PNPLA2: variants seen among roughly 807,000 people sequenced by gnomAD.
PNPLA2 encodes the protein patatin-like phospholipase domain-containing protein 2.
Under a neutral mutation model 39.7 loss-of-function variants are expected in PNPLA2, and 28 were observed. The ratio of observed to expected loss-of-function variants is 0.70; its 90% confidence interval spans 0.52 to 0.97. PNPLA2 has a LOEUF of 0.97. Among genes scored for constraint, PNPLA2 ranks in the 50% least tolerant of loss-of-function variants. PNPLA2 has a pLI of 0.00. For synonymous variants in PNPLA2, 392 were observed against 321.1 expected (o/e 1.22, Z -2.36); for missense variants, 768 against 698.2 (o/e 1.10, Z -1.13).
At position 824,808 on chromosome 11, in the gene PNPLA2, G is replaced by A. The variant is rs1845831929; in HGVS notation, c.1461G>A (p.Leu487=). 4.6e-6 allele frequency: 7 copies of A among 1,534,408 alleles called. No homozygotes were observed. Among genetic ancestry groups the A allele is most frequent in the South Asian group, 2.4e-5 (2 of 84,010 alleles). The change falls in exon 10 of 10, where the codon TTG becomes TTA. Residue 487 remains leucine (L), a synonymous_variant. Coordinates refer to ENST00000336615, the MANE Select transcript of PNPLA2 (RefSeq NM_020376.4). Reference sequence around the variant, plus strand: ...ACCAGCTGGCCGGGCCTGCCCCCTTGCTGAGCACCCCTGCTCCCGAGGCCC... The same window carrying A: ...ACCAGCTGGCCGGGCCTGCCCCCTTACTGAGCACCCCTGCTCCCGAGGCCC... The part of the protein sequence containing the change: ...PQHQLAGPAP[L]LSTPAPEARP...
chr11:820,031 G>T, intron 2 of PNPLA2, 126 bp downstream of exon 2: 1 of 656,416 alleles, frequency 1.5e-6, no homozygotes. Flanking sequence ...GTTCCGGTCC[G>T]CGCCTGGGGA....
Position 823,586 on chromosome 11 carries a change from C to CCT in PNPLA2, c.756_757insCT (p.Gly253LeufsTer4). 3.3e-6 allele frequency: 5 copies of CCT among 1,529,606 alleles called. No individual in the cohort carries two copies. The highest frequency in any genetic ancestry group is 4.5e-6 in the Non-Finnish European group (5 of 1,117,062). 94.8% of individuals were successfully genotyped at this position (1,529,606 alleles called of 1,614,324 possible). A position where few individuals can be genotyped will look rare whatever the true frequency, so the allele number is the denominator to read the frequency against. On this transcript the variant is annotated frameshift_variant and splice_region_variant, in exon 6 of 10. Coordinates refer to ENST00000336615, the MANE Select transcript of PNPLA2 (RefSeq NM_020376.4). LOFTEE classifies it high-confidence loss of function. ...ATGGCCTGCGCTTTCTGCAGCGGAA[C>CCT]GGTGCGCGGACCCGGGCGGGAGAGG...
intron 5 of PNPLA2, among the ~76,000 whole-genome samples, 198 bp downstream of exon 5, chr11:822,804 T>C (rs146081057): frequency 2.6e-4 from 39 of 149,496 alleles, no homozygotes; most frequent in Non-Finnish European, 4.7e-4. Context: ...CCAGGCTCCC[T>C]GTCCAGTCTC....
intron 4 of PNPLA2, 35 bp from the exon 5 acceptor site, chr11:822,362 C>T (rs1035573717): frequency 1.3e-6 from 2 of 1,592,206 alleles, no homozygotes; most frequent in Admixed American, 1.7e-5. Context: ...GCCACAGGCC[C>T]TCACATACGG....
In PNPLA2 at chr11:824,428, G is replaced by A. The variant is rs11554663; in HGVS notation, c.1167G>A (p.Leu389=). ...CCAAGAGGAAGCTGGGCAGGCACCT[G>A]CCCTCCAGGTGAGCCGCCGACCGCG... ...MRAKRKLGRH[L]PSRLPEQVEL... The change falls in exon 9 of 10, where the codon CTG becomes CTA. Residue 389 remains leucine, a synonymous_variant. Coordinates refer to ENST00000336615, the MANE Select transcript of PNPLA2 (RefSeq NM_020376.4). 1 of 1,554,772 alleles carries A rather than the reference G, an allele frequency of 6.4e-7. No homozygotes were observed. Among genetic ancestry groups the A allele is most frequent in the Non-Finnish European group, 8.7e-7 (1 of 1,149,730 alleles).
intron 2 of PNPLA2, chr11:821,147 T>G: frequency 4.6e-6 from 1 of 217,718 alleles, no homozygotes; most frequent in Non-Finnish European, 9.5e-6. Context: ...GTGTTTGGGG[T>G]GCTTCCTCTT....
chr11:819,214 G>A (rs1195464922), intron 1 of PNPLA2, among the ~76,000 whole-genome samples: 2 of 152,246 alleles, frequency 1.3e-5, no homozygotes, highest in Non-Finnish European at 2.9e-5. Flanking sequence ...TGTCCCGGGT[G>A]GGTGTGGGAG....
chr11:823,977 C>G, intron 7 of PNPLA2, 21 bp from the exon 8 acceptor site: 1 of 1,585,892 alleles, frequency 6.3e-7, no homozygotes, highest in Middle Eastern at 1.7e-4. Flanking sequence ...CACTGGCCGC[C>G]GACCTCCCGC....
rs1386242037 is a variant in PNPLA2, at chr11:825,356, G to A, written c.*494G>A. On this transcript the variant is annotated 3_prime_UTR_variant, in exon 10 of 10. Transcript: ENST00000336615. ...CTCCCAGCGTCGCACTCCTGGGCCTGGCATTTGGAACCTGCCAGGCTGGCC... is the reference window on the plus strand; with the variant it reads ...CTCCCAGCGTCGCACTCCTGGGCCTAGCATTTGGAACCTGCCAGGCTGGCC... 1 of 218,986 alleles carries A rather than the reference G, an allele frequency of 4.6e-6. No homozygotes were observed. The highest frequency in any genetic ancestry group is 9.2e-6 in the Non-Finnish European group (1 of 108,680). The allele number at this position is 218,986 out of a possible 1,614,324, so 13.6% of individuals were successfully genotyped here. A position where few individuals can be genotyped will look rare whatever the true frequency, so the allele number is the denominator to read the frequency against.
chr11:824,602 C>G lies in PNPLA2; in HGVS notation c.1255C>G (p.Leu419Val). Residue 419 changes from leucine (L) to valine (V), a missense_variant, in exon 10 of 10, where the codon CTG becomes GTG. Leu to Val is a conservative substitution (Grantham distance 32). Coordinates refer to ENST00000336615, the MANE Select transcript of PNPLA2 (RefSeq NM_020376.4). ...GTCCTGCGCCGCCTACAGAGAGGCA[C>G]TGCCCGGCTGGATGCGCAACAACCT... ...PLSCAAYREALPGWMRNNLSL... is the reference protein window; with the variant it reads ...PLSCAAYREAVPGWMRNNLSL... 6.3e-7 allele frequency: 1 copy of G among 1,590,116 alleles called. No homozygotes were observed. Among genetic ancestry groups the G allele is most frequent in the East Asian group, 2.3e-5 (1 of 44,080 alleles).
intron 9 of PNPLA2, 39 bp from the exon 10 acceptor site, chr11:824,484 G>A (rs780576989): frequency 1.3e-6 from 2 of 1,545,434 alleles, no homozygotes; most frequent in South Asian, 2.4e-5. Flanking sequence ...TGCTAGCGCC[G>A]GGAGCTGAAG....
intron 8 of PNPLA2, 29 bp downstream of exon 8, chr11:824,159 G>A (rs1403827487): frequency 6.3e-7 from 1 of 1,579,054 alleles, no homozygotes; most frequent in South Asian, 1.1e-5. Context: ...CGGGAGAGGG[G>A]CCCAGGGGAC....
intron 1 of PNPLA2, 93 bp from the exon 2 acceptor site, chr11:819,481 T>A: frequency 1.6e-6 from 2 of 1,226,104 alleles, no homozygotes; most frequent in Non-Finnish European, 2.0e-6. Context: ...GGCACGGCCG[T>A]TCCCTGCGCG....
At chr11:823,954 G>GC in intron 7 of PNPLA2, 44 bp from the exon 8 acceptor site, 1 of 1,557,412 alleles carries the variant, frequency 6.4e-7, no homozygotes, top group Non-Finnish European at 8.7e-7. Context: ...CGGGTCCTGG[G>GC]CCCCGCTGCC....
chr11:819,442 C>A (rs887726299), intron 1 of PNPLA2, 132 bp from the exon 2 acceptor site: 1 of 1,163,750 alleles, frequency 8.6e-7, no homozygotes, highest in Non-Finnish European at 1.1e-6. Flanking sequence ...GCGCGGGGGG[C>A]CGGGTCAAGG....
chr11:822,706 G>C, intron 5 of PNPLA2, 100 bp downstream of exon 5: 1 of 1,017,128 alleles, frequency 9.8e-7, no homozygotes, highest in Non-Finnish European at 1.5e-6. Context: ...AGGGTAGGGT[G>C]GTGGGAGCCT....
Position 821,940 on chromosome 11 carries a change from T to C in PNPLA2, c.421-18T>C. 6.2e-7 allele frequency: 1 copy of C among 1,613,758 alleles called. No individual in the cohort carries two copies. Among genetic ancestry groups the C allele is most frequent in the Non-Finnish European group, 8.5e-7 (1 of 1,179,828 alleles). ...AAGGCCTCTGCTCATTCTCTCCCAC[T>C]CTGTCCCTGCCCTGAAGGCCAATGT... On this transcript the variant is annotated intron_variant, in intron 3 of 9. Transcript: ENST00000336615.
In PNPLA2 at chr11:824,383, C is replaced by T. The variant is rs927534996; in HGVS notation, c.1122C>T (p.Cys374=). The change falls in exon 9 of 10, where the codon TGC becomes TGT. Residue 374 remains cysteine (C), a synonymous_variant. Transcript: ENST00000336615. Reference sequence around the variant, plus strand: ...TGAAGGAGCAGACGGGCAGCATCTGCCAGTACCTGGTGATGCGCGCCAAGA... The same window carrying T: ...TGAAGGAGCAGACGGGCAGCATCTGTCAGTACCTGGTGATGCGCGCCAAGA... The part of the protein sequence containing the change: ...RWMKEQTGSI[C]QYLVMRAKRK... 10 of 1,552,542 alleles carry T rather than the reference C, an allele frequency of 6.4e-6. No individual in the cohort carries two copies. Among genetic ancestry groups the T allele is most frequent in the Non-Finnish European group, 8.7e-6 (10 of 1,148,428 alleles).
At position 824,688 on chromosome 11, in the gene PNPLA2, C is replaced by G; in HGVS notation, c.1341C>G (p.Leu447=). 6.3e-7 allele frequency: 1 copy of G among 1,596,234 alleles called. No homozygotes were observed. The highest frequency in any genetic ancestry group is 8.5e-7 in the Non-Finnish European group (1 of 1,177,774). The change falls in exon 10 of 10, where the codon CTC becomes CTG. Residue 447 remains leucine, a synonymous_variant. Transcript: ENST00000336615. ...EECQRQLLLG[L]FCTNVAFPPE... ...GCCAGCGCCAGCTGCTGCTCGGCCT[C>G]TTCTGCACCAACGTGGCCTTCCCGC...
Sources: gnomAD v4.1 joint callset for allele counts (sites outside exome capture counted in the v4.1 genomes callset) on GRCh38, gnomAD v4.1.1 for gene constraint, MANE v1.5 for transcripts, NCBI Gene and HGNC (gene_info 2026-07-23, HGNC 2026-07-21) for gene names.